OXR1: variants seen among roughly 807,000 people sequenced by gnomAD.
OXR1 encodes the protein oxidation resistance 1.
A neutral mutation model predicts 104.6 loss-of-function variants in OXR1; 41 were observed. The ratio of observed to expected loss-of-function variants is 0.39; its 90% confidence interval spans 0.31 to 0.51. The LOEUF (loss-of-function observed/expected upper bound fraction) is 0.51. Among genes scored for constraint, OXR1 ranks in the 20% least tolerant of loss-of-function variants. The probability of loss-of-function intolerance (pLI) is 0.77; values close to 1 mark genes in which losing one functional copy is unlikely to be tolerated. For synonymous variants in OXR1, 348 were observed against 348.4 expected (o/e 1.00, Z 0.01); for missense variants, 955 against 1,031.9 (o/e 0.93, Z 1.02).
At chr8:106,335,767 T>G (rs1006808629) in intron 1 of OXR1, among the ~76,000 whole-genome samples, 9 of 152,146 alleles carry the variant, frequency 5.9e-5, no homozygotes, top group African/African-American at 2.2e-4. Flanking sequence ...ATTTTTTAAT[T>G]CAGATAATAT....
At chr8:106,536,051 T>C (rs1814494850) in intron 3 of OXR1, among the ~76,000 whole-genome samples, 1 of 151,832 alleles carries the variant, frequency 6.6e-6, no homozygotes, top group Non-Finnish European at 1.5e-5. Context: ...AAACCCCATC[T>C]CTACTAAAAA....
chr8:106,548,235 T>A (rs568855359), intron 3 of OXR1, among the ~76,000 whole-genome samples: 1 of 152,342 alleles, frequency 6.6e-6, no homozygotes, highest in African/African-American at 2.4e-5. Flanking sequence ...AGTTGTCTCA[T>A]TTGACTTACT....
intron 3 of OXR1, among the ~76,000 whole-genome samples, chr8:106,574,447 A>G (rs1040087698): frequency 3.9e-5 from 6 of 152,364 alleles, no homozygotes; most frequent in African/African-American, 1.4e-4. Flanking sequence ...ACATGACCCA[A>G]ATGTTGCCAC....
intron 2 of OXR1, among the ~76,000 whole-genome samples, chr8:106,406,085 A>G (rs1036331835): frequency 2.0e-5 from 3 of 152,176 alleles, no homozygotes. Flanking sequence ...TGTGGCTAGA[A>G]CATACTTGGG....
intron 3 of OXR1, among the ~76,000 whole-genome samples, chr8:106,629,254 C>G (rs1468227824): frequency 6.6e-6 from 1 of 150,556 alleles, no homozygotes; most frequent in African/African-American, 2.4e-5. Flanking sequence ...TTTTTTTCCT[C>G]ATGGTCCTTT....
intron 1 of OXR1, among the ~76,000 whole-genome samples, chr8:106,342,826 C>T (rs1051014603): frequency 2.6e-5 from 4 of 152,162 alleles, no homozygotes; most frequent in Non-Finnish European, 4.4e-5. Flanking sequence ...TCTCCAGCAC[C>T]GGTTGTTAAA....
In OXR1 at chr8:106,369,650, G is replaced by A. The variant is rs1563740873; in HGVS notation, c.23+10014G>A. ...TTTTCCCAGCACAATTTACTGAATA[G>A]GAGATCCTTTCCCCATTGCTTGTTT... On this transcript the variant is annotated intron_variant, in intron 2 of 16. Coordinates refer to ENST00000517566, the MANE Select transcript of OXR1 (RefSeq NM_001198533.2). Among the ~76,000 whole-genome samples, 7 of 152,192 alleles carry A rather than the reference G, an allele frequency of 4.6e-5. No homozygotes were observed. The South Asian group carries it at 1.4e-3, about 31-fold the overall frequency.
chr8:106,402,906 C>T lies in OXR1; in HGVS notation c.23+43270C>T, dbSNP rs150787991. Among the ~76,000 whole-genome samples, 457 of 152,188 alleles carry T rather than the reference C, an allele frequency of 3.0e-3. 4 individuals are homozygous for T. The highest frequency in any genetic ancestry group is 0.01 in the African/African-American group (430 of 41,528). ...CACAATCTCAGCTCACCACAAGCTC[C>T]GCCTCCCAGGTTCACACCATTCTCC... On this transcript the variant is annotated intron_variant, in intron 2 of 16. Coordinates refer to ENST00000517566, the MANE Select transcript of OXR1 (RefSeq NM_001198533.2).
chr8:106,596,193 C>T (rs935697025), intron 3 of OXR1, among the ~76,000 whole-genome samples: 1 of 152,026 alleles, frequency 6.6e-6, no homozygotes, highest in Non-Finnish European at 1.5e-5. Context: ...CATCTACAAT[C>T]CCCACACTTT....
chr8:106,343,970 C>A (rs993773813), intron 1 of OXR1, among the ~76,000 whole-genome samples: 1 of 152,202 alleles, frequency 6.6e-6, no homozygotes, highest in Non-Finnish European at 1.5e-5. Flanking sequence ...CCTTCCTTTA[C>A]TTTCTTACCT....
Position 106,343,016 on chromosome 8 carries a change from T to A in OXR1, c.-138-16460T>A, listed in dbSNP as rs78277517. On this transcript the variant is annotated intron_variant, in intron 1 of 16. Transcript: ENST00000517566. The stretch of plus-strand genomic sequence containing the variant: ...GGAGTCATCTTAGACTCCTTGCTTT[T>A]CTTCACTCTGCAAATCCAGTCAGTC... Among the ~76,000 whole-genome samples the A allele has an allele frequency of 7.2e-5, 11 of 152,170 alleles. 1 individual carries two copies. The highest frequency in any genetic ancestry group is 2.0e-4 in the Admixed American group (3 of 15,284).
intron 1 of OXR1, among the ~76,000 whole-genome samples, chr8:106,273,256 A>AT (rs367565622): frequency 6.7e-6 from 1 of 150,004 alleles, no homozygotes; most frequent in Non-Finnish European, 1.5e-5. Context: ...AAAAAAAAAA[A>AT]GAAGAAGAAG....
intron 2 of OXR1, among the ~76,000 whole-genome samples, chr8:106,507,325 A>G (rs931438135): frequency 6.6e-6 from 1 of 152,146 alleles, no homozygotes; most frequent in African/African-American, 2.4e-5. Context: ...TTTACAAATG[A>G]GGAAACTATG....
chr8:106,603,204 T>C (rs1484551624), intron 3 of OXR1, among the ~76,000 whole-genome samples: 2 of 152,224 alleles, frequency 1.3e-5, no homozygotes, highest in Non-Finnish European at 2.9e-5. Flanking sequence ...TCAGGTCCTG[T>C]TGTTAGTAAG....
rs572485677 is a variant in OXR1 at position 106,735,441 on chromosome 8, C to G, written c.1957-2079C>G. Among the ~76,000 whole-genome samples the G allele has an allele frequency of 2.6e-5, 4 of 152,230 alleles. No homozygotes were observed. The South Asian group carries it at 8.3e-4, about 32-fold the overall frequency. Reference sequence around the variant, plus strand: ...TGTTCTCTTATTAGTAACTCCTACTCTCAGCAATGCTGATACAATTAGGTT... The same window carrying G: ...TGTTCTCTTATTAGTAACTCCTACTGTCAGCAATGCTGATACAATTAGGTT... On this transcript the variant is annotated intron_variant, in intron 11 of 16. Coordinates refer to ENST00000517566, the MANE Select transcript of OXR1 (RefSeq NM_001198533.2).
chr8:106,577,019 T>G (rs1462235679), intron 3 of OXR1, among the ~76,000 whole-genome samples: 1 of 152,178 alleles, frequency 6.6e-6, no homozygotes, highest in Non-Finnish European at 1.5e-5. Context: ...TTCGAAGAAT[T>G]TATAGTATTT....
At chr8:106,347,870 T>C (rs1054480037) in intron 1 of OXR1, among the ~76,000 whole-genome samples, 3 of 152,214 alleles carry the variant, frequency 2.0e-5, no homozygotes, top group African/African-American at 7.2e-5. Flanking sequence ...AATAATATCA[T>C]ATTATTAACA....
At chr8:106,496,960 C>CT (rs1381914387) in intron 2 of OXR1, among the ~76,000 whole-genome samples, 3 of 152,114 alleles carry the variant, frequency 2.0e-5, no homozygotes, top group African/African-American at 2.4e-5. Flanking sequence ...GGGGCACTTC[C>CT]TTTTGCTTTA....
Position 106,385,499 on chromosome 8 carries a change from CT to C in OXR1, c.23+25864del, listed in dbSNP as rs147366935. 6.7e-3 allele frequency among the ~76,000 whole-genome samples: 1,017 copies of C among 152,260 alleles called. 13 individuals carry two copies. Among genetic ancestry groups the C allele is most frequent in the African/African-American group, 0.023 (962 of 41,554 alleles). On this transcript the variant is annotated intron_variant, in intron 2 of 16. Coordinates refer to ENST00000517566, the MANE Select transcript of OXR1 (RefSeq NM_001198533.2). Reference sequence around the variant, plus strand: ...ATAATGCTATATTATGCAATTGTAACTAACATGTGTTGAACACTCAGTATGT... The same window carrying C: ...ATAATGCTATATTATGCAATTGTAACAACATGTGTTGAACACTCAGTATGT...
Sources: gnomAD v4.1 joint callset for allele counts (sites outside exome capture counted in the v4.1 genomes callset) on GRCh38, gnomAD v4.1.1 for gene constraint, MANE v1.5 for transcripts, NCBI Gene and HGNC (gene_info 2026-07-23, HGNC 2026-07-21) for gene names.